The following DUSP5 variants were observed in gnomAD, a reference collection of about 807,000 sequenced individuals.
DUSP5 encodes dual specificity phosphatase 5.
In DUSP5, 22 loss-of-function variants were observed where a neutral mutation model predicts 33.6. That is an observed-to-expected ratio of 0.66 (90% CI 0.47 to 0.94). The LOEUF (loss-of-function observed/expected upper bound fraction) is 0.94. Ranked by LOEUF, DUSP5 falls within the 40% of genes least tolerant of loss-of-function variation. The probability of loss-of-function intolerance (pLI) is 0.00; values close to 1 mark genes in which losing one functional copy is unlikely to be tolerated. For missense variants in DUSP5, 551 were observed against 522.1 expected (o/e 1.06, Z -0.54); for synonymous variants, 270 against 231.1 (o/e 1.17, Z -1.53).
chr10:110,510,391 A>T lies in DUSP5; in HGVS notation c.1120A>T (p.Ser374Cys). The change falls in exon 4 of 4, where the codon AGC becomes TGC. Residue 374 changes from serine to cysteine, a missense_variant. This residue lies in a region of DUSP5 where 158 missense variants were observed against 181.8 expected (regional missense o/e 0.87). Transcript: ENST00000369583. ...VPTHSTVSEL[S>C]RSPVATATSC ...TACCCACTCAACAGTCTCAGAGCTCAGCAGAAGCCCTGTGGCAACGGCCAC... is the reference window on the plus strand; with the variant it reads ...TACCCACTCAACAGTCTCAGAGCTCTGCAGAAGCCCTGTGGCAACGGCCAC... 1.2e-6 allele frequency: 2 copies of T among 1,607,896 alleles called. No individual in the cohort carries two copies. Among genetic ancestry groups the T allele is most frequent in the Non-Finnish European group, 1.7e-6 (2 of 1,176,344 alleles).
chr10:110,497,960 C>T lies in DUSP5; in HGVS notation c.-162C>T, dbSNP rs1590513073. ...GGCTATCGAGCGAGCGGGGCGGGAA[C>T]GCGGAGTTGCGCCGCCGCTCGGGCG... On this transcript the variant is annotated 5_prime_UTR_variant, in exon 1 of 4. It adds an upstream start codon to the 5' untranslated region. Coordinates refer to ENST00000369583, the MANE Select transcript of DUSP5 (RefSeq NM_004419.4). The T allele has an allele frequency of 4.6e-6, 2 of 433,092 alleles. No individual in the cohort carries two copies. The highest frequency in any genetic ancestry group is 6.1e-6 in the Non-Finnish European group (2 of 325,482). 26.8% of individuals were successfully genotyped at this position (433,092 alleles called of 1,614,324 possible).
At position 110,510,317 on chromosome 10, in the gene DUSP5, T is replaced by C. The variant is rs200101719; in HGVS notation, c.1046T>C (p.Met349Thr). ...IGHLQTLSPD[M>T]QGAYCTFPAS... Reference sequence around the variant, plus strand: ...CATTTGCAGACACTGAGCCCTGACATGCAGGGTGCCTACTGCACATTCCCT... The same window carrying C: ...CATTTGCAGACACTGAGCCCTGACACGCAGGGTGCCTACTGCACATTCCCT... The change falls in exon 4 of 4, where the codon ATG (methionine) becomes ACG (threonine). Residue 349 changes from methionine (M) to threonine (T), a missense_variant. Met to Thr is a moderately conservative substitution (Grantham distance 81). This residue lies in a region of DUSP5 where 158 missense variants were observed against 181.8 expected (regional missense o/e 0.87). Transcript: ENST00000369583. 1.5e-5 allele frequency: 24 copies of C among 1,614,068 alleles called. No individual in the cohort carries two copies. The highest frequency in any genetic ancestry group is 1.1e-5 in the South Asian group (1 of 91,090).
rs752689048 is a variant in DUSP5, at chr10:110,502,777, A to T, written c.436A>T (p.Ile146Phe). 8.1e-6 allele frequency: 13 copies of T among 1,613,996 alleles called. No homozygotes were observed. In the East Asian group the frequency reaches 2.9e-4, roughly 36 times the overall value. ...YPECCVDVKPISQEKIESERA... is the reference protein window; with the variant it reads ...YPECCVDVKPFSQEKIESERA... ...TGAGTGTTGCGTGGATGTAAAACCC[A>T]TTTCACAAGAGAAGATTGAGAGTGA... The change falls in exon 2 of 4, where the codon ATT (isoleucine) becomes TTT (phenylalanine). Residue 146 changes from isoleucine to phenylalanine, a missense_variant. Coordinates refer to ENST00000369583, the MANE Select transcript of DUSP5 (RefSeq NM_004419.4).
Sources: allele counts gnomAD v4.1 joint callset, GRCh38; gene constraint gnomAD v4.1.1; regional missense constraint gnomAD v4.1.1; transcripts MANE v1.5; gene names NCBI Gene and HGNC (gene_info 2026-07-23, HGNC 2026-07-21).